DHRSX: variants seen among roughly 807,000 people sequenced by gnomAD.
DHRSX encodes the protein dehydrogenase/reductase X-linked.
DHRSX carries 31 observed loss-of-function variants against 34.0 expected under a neutral mutation model. The ratio of observed to expected loss-of-function variants is 0.91; its 90% CI spans 0.69 to 1.23. The LOEUF (loss-of-function observed/expected upper bound fraction) is 1.23, where lower values mean the gene tolerates loss of function less well. Ranked by LOEUF, DHRSX falls within the 50% of genes most tolerant of loss-of-function variation. The pLI, the probability that DHRSX is intolerant of heterozygous loss-of-function variation, is 0.00. For missense variants in DHRSX, 414 were observed against 428.1 expected (o/e 0.97, Z 0.29); for synonymous variants, 201 against 183.8 (o/e 1.09, Z -0.76).
chrX:2,413,557 G>C (rs2043657369), intron 2 of DHRSX, among the ~76,000 whole-genome samples: 1 of 152,052 alleles, frequency 6.6e-6, no homozygotes, highest in African/African-American at 2.4e-5. Context: ...TATGTAACTT[G>C]TTTTTGTCTA....
intron 3 of DHRSX, among the ~76,000 whole-genome samples, chrX:2,304,444 C>A (rs1269062661): frequency 2.0e-5 from 3 of 152,136 alleles, no homozygotes; most frequent in Non-Finnish European, 1.5e-5. Flanking sequence ...GAATTGGAAT[C>A]CCCAGTGCTG....
At chrX:2,358,310 CAAAACAAAAATA>C (rs1292031278) in intron 3 of DHRSX, among the ~76,000 whole-genome samples, 1 of 152,036 alleles carries the variant, frequency 6.6e-6, no homozygotes, top group Non-Finnish European at 1.5e-5. Flanking sequence ...ATTTACAAAA[CAAAACAAAAATA>C]AAAACAAAAA....
intron 1 of DHRSX, among the ~76,000 whole-genome samples, chrX:2,456,860 G>A (rs764196766): frequency 5.9e-5 from 9 of 152,236 alleles, no homozygotes; most frequent in Non-Finnish European, 1.2e-4. Context: ...CTGGGGAGCT[G>A]CTGTTCCAGA....
rs372729369 is a variant in DHRSX, at chrX:2,488,612, T to C, written c.109+12205A>G. 135 of 1,570,038 alleles carry C rather than the reference T, an allele frequency of 8.6e-5. No individual in the cohort carries two copies. In the African/African-American group the frequency reaches 1.6e-3, roughly 19 times the overall value. On this transcript the variant is annotated intron_variant, in intron 1 of 6. Coordinates refer to ENST00000334651, the MANE Select transcript of DHRSX (RefSeq NM_145177.3). ...TCCAATGGGCTGCTGCGGGGATGACTTGTAAGACAACACGCTTCCTCGCTA... is the reference window on the plus strand; with the variant it reads ...TCCAATGGGCTGCTGCGGGGATGACCTGTAAGACAACACGCTTCCTCGCTA...
At position 2,480,946 on chromosome X, in the gene DHRSX, G is replaced by T. The variant is rs183417298; in HGVS notation, c.109+19871C>A. Reference sequence around the variant, plus strand: ...GCGTTTTTCAAAATGACTAAAAGTAGATTTTACACATTCTCACCACAAAAA... The same window carrying T: ...GCGTTTTTCAAAATGACTAAAAGTATATTTTACACATTCTCACCACAAAAA... On this transcript the variant is annotated intron_variant, in intron 1 of 6. Coordinates refer to ENST00000334651, the MANE Select transcript of DHRSX (RefSeq NM_145177.3). Among the ~76,000 whole-genome samples the T allele has an allele frequency of 2.6e-5, 4 of 152,192 alleles. No individual in the cohort carries two copies. In the East Asian group the frequency reaches 7.7e-4, roughly 29 times the overall value.
intron 5 of DHRSX, chrX:2,261,701 G>A (rs2041365653): frequency 6.6e-6 from 1 of 151,296 alleles, no homozygotes; most frequent in Non-Finnish European, 1.5e-5. Flanking sequence ...AACCCGGGAG[G>A]CGGAGGTTGC....
chrX:2,443,425 G>C (rs6642165), intron 1 of DHRSX, among the ~76,000 whole-genome samples: 67,648 of 151,532 alleles, frequency 0.45, 15,545 homozygotes, highest in African/African-American at 0.56. Context: ...AGTCAAGGCA[G>C]CATGCAAAAC....
At chrX:2,297,912 C>A (rs899938435) in intron 3 of DHRSX, among the ~76,000 whole-genome samples, 2 of 152,006 alleles carry the variant, frequency 1.3e-5, no homozygotes, top group African/African-American at 2.4e-5. Flanking sequence ...CCCGCCACCA[C>A]GCCCGGCTTA....
intron 5 of DHRSX, among the ~76,000 whole-genome samples, chrX:2,257,506 C>T (rs1228444256): frequency 6.6e-6 from 1 of 152,206 alleles, no homozygotes; most frequent in Non-Finnish European, 1.5e-5. Context: ...GAGGCGTGTT[C>T]TATTCTACCA....
At chrX:2,407,021 T>C (rs1286017939) in intron 3 of DHRSX, among the ~76,000 whole-genome samples, 1 of 152,072 alleles carries the variant, frequency 6.6e-6, no homozygotes, top group Non-Finnish European at 1.5e-5. Flanking sequence ...AACCTAGGTG[T>C]CCAACAACAC....
At chrX:2,408,124 T>TC (rs1020359072) in intron 3 of DHRSX, among the ~76,000 whole-genome samples, 5 of 151,064 alleles carry the variant, frequency 3.3e-5, no homozygotes, top group African/African-American at 7.3e-5. Context: ...TTTCTTTCTT[T>TC]TTTTTTTTTG....
chrX:2,452,250 G>C (rs2044231892), intron 1 of DHRSX, among the ~76,000 whole-genome samples: 1 of 151,764 alleles, frequency 6.6e-6, no homozygotes, highest in South Asian at 2.1e-4. Flanking sequence ...TGTGCACATT[G>C]AAGACGTTCC....
chrX:2,254,602 G>T (rs1228863229), intron 5 of DHRSX, among the ~76,000 whole-genome samples: 1 of 151,952 alleles, frequency 6.6e-6, no homozygotes, highest in Non-Finnish European at 1.5e-5. Flanking sequence ...ATAACGATCC[G>T]CCTACCAGGA....
chrX:2,255,310 A>G (rs2041261619), intron 5 of DHRSX, among the ~76,000 whole-genome samples: 1 of 152,136 alleles, frequency 6.6e-6, no homozygotes, highest in Non-Finnish European at 1.5e-5. Context: ...TCATAGACAC[A>G]TAGTGAGTGT....
At chrX:2,297,454 G>A (rs1267312241) in intron 3 of DHRSX, among the ~76,000 whole-genome samples, 1 of 152,038 alleles carries the variant, frequency 6.6e-6, no homozygotes, top group Non-Finnish European at 1.5e-5. Context: ...AATGTGGTAG[G>A]CTAAATGACG....
At chrX:2,459,834 G>T (rs1424236634) in intron 1 of DHRSX, among the ~76,000 whole-genome samples, 2 of 151,912 alleles carry the variant, frequency 1.3e-5, no homozygotes, top group African/African-American at 4.8e-5. Context: ...TGGGCCGGGC[G>T]CGGTGGCTCA....
intron 3 of DHRSX, among the ~76,000 whole-genome samples, chrX:2,320,025 C>T (rs2042289154): frequency 6.6e-6 from 1 of 151,792 alleles, no homozygotes; most frequent in Non-Finnish European, 1.5e-5. Context: ...AGACGGGTTT[C>T]ACCATGTTGG....
chrX:2,355,324 C>A (rs1255291267), intron 3 of DHRSX, among the ~76,000 whole-genome samples: 4 of 151,944 alleles, frequency 2.6e-5, no homozygotes, highest in African/African-American at 9.7e-5. Context: ...CTAGCCTGAG[C>A]AACATAGTGA....
intron 3 of DHRSX, among the ~76,000 whole-genome samples, chrX:2,390,009 G>C (rs910574215): frequency 6.6e-6 from 1 of 152,004 alleles, no homozygotes; most frequent in Non-Finnish European, 1.5e-5. Context: ...TCGAACTCCC[G>C]ACCTCAAGTG....
Sources: allele counts gnomAD v4.1 joint callset (sites outside exome capture counted in the v4.1 genomes callset), GRCh38; gene constraint gnomAD v4.1.1; transcripts MANE v1.5; gene names NCBI Gene and HGNC (gene_info 2026-07-23, HGNC 2026-07-21).